Variants in TXNDC11 observed in about 807,000 individuals in gnomAD.
The protein encoded by TXNDC11 is thioredoxin domain containing 11, also known as thioredoxin domain-containing protein 11.
A neutral mutation model predicts 78.0 loss-of-function variants in TXNDC11; 68 were observed. The observed-to-expected ratio is 0.87, with a 90% confidence interval of 0.72 to 1.07. The LOEUF (loss-of-function observed/expected upper bound fraction) is 1.07. Among genes scored for constraint, TXNDC11 ranks in the 50% least tolerant of loss-of-function variants. TXNDC11 has a pLI of 0.00. For synonymous variants in TXNDC11, 571 were observed against 495.2 expected, an observed-to-expected ratio of 1.15 and a Z score of -2.03; for missense variants, 1,389 against 1,221.8, an observed-to-expected ratio of 1.14 and a Z score of -2.04.
intron 7 of TXNDC11, 123 bp from the exon 8 acceptor site, chr16:11,692,205 A>T (rs967574627): frequency 2.0e-5 from 15 of 737,862 alleles, no homozygotes; most frequent in Middle Eastern, 7.3e-4. Flanking sequence ...AAAAATACTA[A>T]ATGGAAAATT....
chr16:11,701,491 A>G (rs2051024866), intron 5 of TXNDC11, among the ~76,000 whole-genome samples: 1 of 152,160 alleles, frequency 6.6e-6, no homozygotes, highest in Non-Finnish European at 1.5e-5. Context: ...GTTTCATGCT[A>G]GTATCCCAGC....
rs1171480580 is a variant in TXNDC11, at chr16:11,734,059, G to C, written c.492C>G (p.Asn164Lys). ...TGCATTTCCCCTGGTTCCACCAACAGTTAATTGCCACAAACAACACCTGCA... is the reference window on the plus strand; with the variant it reads ...TGCATTTCCCCTGGTTCCACCAACACTTAATTGCCACAAACAACACCTGCA... ...LSDQVLFVAI[N>K]CWWNQGKCRK... The change falls in exon 3 of 12, where the codon AAC becomes AAG. Residue 164 changes from asparagine to lysine, a missense_variant. Transcript: ENST00000283033. 6.2e-7 allele frequency: 1 copy of C among 1,601,642 alleles called. No individual in the cohort carries two copies. Among genetic ancestry groups the C allele is most frequent in the Non-Finnish European group, 8.5e-7 (1 of 1,177,376 alleles).
At chr16:11,727,239 CAAG>C (rs2051909876) in intron 4 of TXNDC11, among the ~76,000 whole-genome samples, 1 of 150,380 alleles carries the variant, frequency 6.6e-6, no homozygotes, top group Non-Finnish European at 1.5e-5. Context: ...AGATCCTACG[CAAG>C]AAATTTTTTT....
intron 4 of TXNDC11, among the ~76,000 whole-genome samples, chr16:11,723,902 G>A (rs1475672737): frequency 6.6e-6 from 1 of 152,134 alleles, no homozygotes; most frequent in Non-Finnish European, 1.5e-5. Flanking sequence ...TTCATGGAAA[G>A]ATTCTTAAAA....
chr16:11,686,327 G>A (rs2050567166), intron 10 of TXNDC11, among the ~76,000 whole-genome samples: 1 of 152,188 alleles, frequency 6.6e-6, no homozygotes, highest in Non-Finnish European at 1.5e-5. Context: ...TTAACTGTAT[G>A]AAAAGCACTG....
Position 11,742,798 on chromosome 16 carries a change from G to T in TXNDC11, c.-68C>A. 2 of 1,389,680 alleles carry T rather than the reference G, an allele frequency of 1.4e-6. No individual in the cohort carries two copies. The highest frequency in any genetic ancestry group is 3.4e-5 in the South Asian group (2 of 58,162). The allele number at this position is 1,389,680 out of a possible 1,614,324, so 86.1% of individuals were successfully genotyped here. On this transcript the variant is annotated 5_prime_UTR_variant, in exon 1 of 12. Coordinates refer to ENST00000283033, the MANE Select transcript of TXNDC11 (RefSeq NM_015914.7). ...CGGGCCCGAAGGCCCGGCCCGGCCC[G>T]TTGCTCCCCAATCCCGCAGCTCGCC... is the stretch of plus-strand genomic sequence containing the variant.
rs967658404 is a variant in TXNDC11 at position 11,742,621 on chromosome 16, G to C, written c.110C>G (p.Pro37Arg). ...CGCCGAGGACGCTGTGGCCAGGGTC[G>C]GGCTCGAGCTGAGGCAGTCTGAGCC... ...PAGSDCLSSSPTLATASSAGR... is the reference protein window; with the variant it reads ...PAGSDCLSSSRTLATASSAGR... Residue 37 changes from proline to arginine, a missense_variant, in exon 1 of 12, where the codon CCG becomes CGG. Physicochemically the swap from Pro to Arg is moderately radical, Grantham distance 103. Coordinates refer to ENST00000283033, the MANE Select transcript of TXNDC11 (RefSeq NM_015914.7). 5 of 1,461,582 alleles carry C rather than the reference G, an allele frequency of 3.4e-6. No individual in the cohort carries two copies. The highest frequency in any genetic ancestry group is 3.0e-5 in the East Asian group (1 of 33,162). 90.5% of individuals were successfully genotyped at this position (1,461,582 alleles called of 1,614,324 possible).
At chr16:11,685,536 CTA>C (rs1410548251) in intron 10 of TXNDC11, among the ~76,000 whole-genome samples, 1 of 151,812 alleles carries the variant, frequency 6.6e-6, no homozygotes, top group Non-Finnish European at 1.5e-5. Context: ...GTAGTCCCAG[CTA>C]CTCGGGAGGC....
In TXNDC11 at chr16:11,679,656, C is replaced by A. The variant is rs756895958; in HGVS notation, c.2416G>T (p.Glu806Ter). The stretch of plus-strand genomic sequence containing the variant: ...ATTTCTGCTCTCAGTTTCTGGATCT[C>A]TCTCTCCAAGTGGGAGATGTGCCCC... ...QRGHISHLER[E>*]IQKLRAEISS... Residue 806 changes from glutamate (E) to a stop codon, truncating the protein, a stop_gained, in exon 12 of 12, where the codon GAG becomes TAG. Transcript: ENST00000283033. LOFTEE classifies it low-confidence loss of function (END_TRUNC). The surrounding 1 kb of genome is among the most constrained non-coding windows in gnomAD (Gnocchi z 4.6). 10 of 1,614,090 alleles carry A rather than the reference C, an allele frequency of 6.2e-6. No individual in the cohort carries two copies. The Admixed American group carries it at 6.7e-5, about 11-fold the overall frequency.
At chr16:11,718,813 T>C (rs2051620730) in intron 5 of TXNDC11, among the ~76,000 whole-genome samples, 1 of 152,134 alleles carries the variant, frequency 6.6e-6, no homozygotes, top group Non-Finnish European at 1.5e-5. Flanking sequence ...GGAAGAGATG[T>C]AGAGAAAGTA....
chr16:11,679,324 G>A lies in TXNDC11; in HGVS notation c.2748C>T (p.Ala916=). The A allele has an allele frequency of 6.2e-7, 1 of 1,612,552 alleles. No homozygotes were observed. Among genetic ancestry groups the A allele is most frequent in the Non-Finnish European group, 8.5e-7 (1 of 1,179,692 alleles). The change falls in exon 12 of 12, where the codon GCC becomes GCT. Residue 916 remains alanine, a synonymous_variant. Coordinates refer to ENST00000283033, the MANE Select transcript of TXNDC11 (RefSeq NM_015914.7). This position sits in a 1 kb window ranked among gnomAD's most constrained non-coding sequence, Gnocchi z 4.6. ...EGRDGAESLA[A]QREVHPKQPE... ...GCTGCTTGGGGTGGACCTCTCTCTG[G>A]GCCGCCAGGCTTTCAGCTCCATCCC...
At chr16:11,709,421 G>GTTTT (rs1247645639) in intron 5 of TXNDC11, among the ~76,000 whole-genome samples, 4 of 61,142 alleles carry the variant, frequency 6.5e-5, no homozygotes, top group South Asian at 4.7e-4. Context: ...CTAATTTTTT[G>GTTTT]TATTTTTTTT....
chr16:11,701,229 TG>T (rs915421509), intron 5 of TXNDC11, among the ~76,000 whole-genome samples: 2 of 146,862 alleles, frequency 1.4e-5, no homozygotes, highest in Admixed American at 1.4e-4. Flanking sequence ...CTCCGTCTCA[TG>T]GGCTCAAGCA....
Position 11,679,838 on chromosome 16 carries a change from C to A in TXNDC11, c.2235-1G>T. ...GGGGTATTTCACACTTAGGTCCTTT[C>A]TGGAGAGAGAGGGAAAGGAAGCAAA... On this transcript the variant is annotated splice_acceptor_variant, in intron 11 of 11. Transcript: ENST00000283033. LOFTEE classifies it high-confidence loss of function. The surrounding 1 kb of genome is among the most constrained non-coding windows in gnomAD (Gnocchi z 4.6). 1 of 1,604,446 alleles carries A rather than the reference C, an allele frequency of 6.2e-7. No homozygotes were observed. The highest frequency in any genetic ancestry group is 8.5e-7 in the Non-Finnish European group (1 of 1,172,950).
At chr16:11,739,189 T>C (rs1244779365) in intron 1 of TXNDC11, among the ~76,000 whole-genome samples, 1 of 152,126 alleles carries the variant, frequency 6.6e-6, no homozygotes, top group Non-Finnish European at 1.5e-5. Flanking sequence ...CAATCAAAAA[T>C]CAAATATTGG....
At chr16:11,706,701 C>T (rs533191602) in intron 5 of TXNDC11, among the ~76,000 whole-genome samples, 2 of 152,172 alleles carry the variant, frequency 1.3e-5, no homozygotes, top group Non-Finnish European at 2.9e-5. Flanking sequence ...TCCCGTGCAC[C>T]GCTGTCACCA....
chr16:11,730,828 C>T, intron 3 of TXNDC11, 54 bp from the exon 4 acceptor site: 3 of 1,354,234 alleles, frequency 2.2e-6, no homozygotes, highest in Non-Finnish European at 3.0e-6. Flanking sequence ...ATACACCATG[C>T]ATTAAGCCTG....
intron 5 of TXNDC11, among the ~76,000 whole-genome samples, chr16:11,704,551 G>A (rs1379874678): frequency 6.6e-6 from 1 of 152,220 alleles, no homozygotes; most frequent in African/African-American, 2.4e-5. Flanking sequence ...AATGTCACCA[G>A]TAGGAGACAC....
At chr16:11,680,767 C>A (rs1256149932) in intron 11 of TXNDC11, among the ~76,000 whole-genome samples, 1 of 152,168 alleles carries the variant, frequency 6.6e-6, no homozygotes, top group Non-Finnish European at 1.5e-5. Context: ...GGCCACTGGA[C>A]CCGGCCGTAA....
Sources: allele counts gnomAD v4.1 joint callset (sites outside exome capture counted in the v4.1 genomes callset), GRCh38; gene constraint gnomAD v4.1.1; non-coding constraint Gnocchi (gnomAD v3.1); transcripts MANE v1.5; gene names NCBI Gene and HGNC (gene_info 2026-07-23, HGNC 2026-07-21).